The following PCM1 variants were observed in gnomAD, a reference collection of about 807,000 sequenced individuals.
PCM1 encodes the protein pericentriolar material 1 protein.
In PCM1, 157 loss-of-function variants were observed where a neutral mutation model predicts 241.9. That is an observed-to-expected ratio of 0.65 (90% CI 0.57 to 0.74). The LOEUF (loss-of-function observed/expected upper bound fraction) is 0.74, where lower values mean the gene tolerates loss of function less well. Ranked by LOEUF, PCM1 falls within the 30% of genes least tolerant of loss-of-function variation. PCM1 has a pLI of 0.00. For synonymous variants in PCM1, 1,085 were observed against 784.9 expected, an observed-to-expected ratio of 1.38 and a Z score of -6.39; for missense variants, 3,478 against 2,360.1, an observed-to-expected ratio of 1.47 and a Z score of -9.81.
intron 20 of PCM1, 134 bp from the exon 21 acceptor site, chr8:17,966,846 A>G: frequency 2.6e-6 from 2 of 756,494 alleles, no homozygotes; most frequent in Non-Finnish European, 4.2e-6. Flanking sequence ...TAGAGCAAGC[A>G]CGTATTTGTT....
At chr8:18,008,169 A>G (rs140483378) in intron 30 of PCM1, among the ~76,000 whole-genome samples, 2 of 152,122 alleles carry the variant, frequency 1.3e-5, no homozygotes, top group African/African-American at 4.8e-5. Context: ...CTTCATCTGT[A>G]TTTACAGTCC....
intron 9 of PCM1, among the ~76,000 whole-genome samples, chr8:17,954,107 T>A (rs769527681): frequency 6.6e-6 from 1 of 152,204 alleles, no homozygotes. Flanking sequence ...AATCCCAGTT[T>A]TTATCCTTTA....
rs554392634 is a variant in PCM1 at position 18,027,863 on chromosome 8, T to G, written c.*201T>G. ...CAGATTTAAGCCTTGACACACTGTGTTTTTTTTTTTTTCCCCCTTCTTTTT... is the reference window on the plus strand; with the variant it reads ...CAGATTTAAGCCTTGACACACTGTGGTTTTTTTTTTTTCCCCCTTCTTTTT... On this transcript the variant is annotated 3_prime_UTR_variant, in exon 39 of 39. Transcript: ENST00000325083. The G allele has an allele frequency of 9.5e-4, 209 of 219,456 alleles. No homozygotes were observed. Among genetic ancestry groups the G allele is most frequent in the African/African-American group, 4.9e-3 (191 of 38,938 alleles). The allele number at this position is 219,456 out of a possible 1,614,324, so 13.6% of individuals were successfully genotyped here.
At chr8:17,962,628 C>T (rs1010058687) in intron 16 of PCM1, among the ~76,000 whole-genome samples, 21 of 152,030 alleles carry the variant, frequency 1.4e-4, no homozygotes, top group African/African-American at 2.7e-4. Context: ...AGGCCATGTG[C>T]GGTGACTCAC....
intron 28 of PCM1, among the ~76,000 whole-genome samples, chr8:17,992,711 G>C (rs2085181976): frequency 6.6e-6 from 1 of 151,114 alleles, no homozygotes; most frequent in South Asian, 2.1e-4. Context: ...CTGCCTGCCA[G>C]GCTCAAGTGA....
chr8:17,947,188 C>G lies in PCM1; in HGVS notation c.786C>G (p.Ala262=). The G allele has an allele frequency of 6.3e-7, 1 of 1,583,342 alleles. No homozygotes were observed. The change falls in exon 7 of 39, where the codon GCC becomes GCG. Residue 262 remains alanine, a splice_region_variant and synonymous_variant. Transcript: ENST00000325083. ...GTATTGTTGGTCTTATTTTCCAGGC[C>G]AGAGATCCTCAGCAGGAGCCTATGG... is the stretch of plus-strand genomic sequence containing the variant. The part of the protein sequence containing the change: ...SYMKFLKKIL[A]RDPQQEPMEE...
In PCM1 at chr8:18,027,747, T is replaced by C; in HGVS notation, c.*85T>C. ...ATACTAAATAAACATCTGATCTGTA[T>C]AAAAATGTAAATTAGTTTGACACTG... On this transcript the variant is annotated 3_prime_UTR_variant, in exon 39 of 39. Coordinates refer to ENST00000325083, the MANE Select transcript of PCM1 (RefSeq NM_006197.4). 1 of 943,028 alleles carries C rather than the reference T, an allele frequency of 1.1e-6. No homozygotes were observed. The highest frequency in any genetic ancestry group is 1.6e-6 in the Non-Finnish European group (1 of 637,496). 58.4% of individuals were successfully genotyped at this position (943,028 alleles called of 1,614,324 possible).
intron 7 of PCM1, 27 bp downstream of exon 7, chr8:17,947,390 T>C (rs2064227956): frequency 6.7e-7 from 1 of 1,497,212 alleles, no homozygotes; most frequent in Non-Finnish European, 9.1e-7. Context: ...GAATATTCTT[T>C]TTGTAAGGAA....
intron 27 of PCM1, 94 bp downstream of exon 27, chr8:17,990,073 C>A: frequency 3.0e-6 from 3 of 1,003,356 alleles, no homozygotes; most frequent in Admixed American, 3.3e-5. Flanking sequence ...TCTAGAAAGG[C>A]GAAGTGTGTG....
chr8:17,945,924 A>C lies in PCM1; in HGVS notation c.784-1262A>C, dbSNP rs139413486. On this transcript the variant is annotated intron_variant, in intron 6 of 38. Transcript: ENST00000325083. ...AAGTGAAACAAAAGTGAAATATTTT[A>C]TGTAAATATTAGGTAAAATCGTTCA... 5.7e-3 allele frequency among the ~76,000 whole-genome samples: 872 copies of C among 152,334 alleles called. 10 individuals carry two copies. The highest frequency in any genetic ancestry group is 0.02 in the African/African-American group (814 of 41,580).
At position 18,027,747 on chromosome 8, in the gene PCM1, TA is replaced by T; in HGVS notation, c.*90del. 2.1e-6 allele frequency: 2 copies of T among 943,026 alleles called. No homozygotes were observed. Among genetic ancestry groups the T allele is most frequent in the East Asian group, 2.6e-5 (1 of 38,486 alleles). The allele number at this position is 943,026 out of a possible 1,614,324, so 58.4% of individuals were successfully genotyped here. On this transcript the variant is annotated 3_prime_UTR_variant, in exon 39 of 39. Coordinates refer to ENST00000325083, the MANE Select transcript of PCM1 (RefSeq NM_006197.4). ...ATACTAAATAAACATCTGATCTGTA[TA>T]AAAATGTAAATTAGTTTGACACTGC...
intron 9 of PCM1, 37 bp from the exon 10 acceptor site, chr8:17,955,433 G>T (rs376342971): frequency 1.9e-4 from 278 of 1,489,886 alleles, no homozygotes; most frequent in Non-Finnish European, 2.4e-4. Flanking sequence ...GGTAACTGGT[G>T]ATTAAAAAAA....
intron 16 of PCM1, 61 bp from the exon 17 acceptor site, chr8:17,963,040 A>T: frequency 8.0e-7 from 1 of 1,254,688 alleles, no homozygotes; most frequent in Non-Finnish European, 1.1e-6. Flanking sequence ...GTAGTCTTTT[A>T]CTCTTTTAGG....
chr8:17,941,510 A>G (rs1399218918), intron 6 of PCM1, among the ~76,000 whole-genome samples: 1 of 150,196 alleles, frequency 6.7e-6, no homozygotes, highest in African/African-American at 2.4e-5. Context: ...TTGGAGGGGG[A>G]TGTGGATTGA....
At chr8:18,013,173 G>C (rs2092730042) in intron 34 of PCM1, among the ~76,000 whole-genome samples, 1 of 152,158 alleles carries the variant, frequency 6.6e-6, no homozygotes, top group Admixed American at 6.5e-5. Flanking sequence ...TGGAGTGTAT[G>C]AGCTTGGCTG....
chr8:17,955,867 A>G (rs773826651), intron 10 of PCM1: 1 of 560,484 alleles, frequency 1.8e-6, no homozygotes, highest in African/African-American at 1.9e-5. Flanking sequence ...AACTGATGTT[A>G]CTTTCTTGTT....
At chr8:17,933,892 A>G (rs999401292) in intron 2 of PCM1, among the ~76,000 whole-genome samples, 1 of 152,136 alleles carries the variant, frequency 6.6e-6, no homozygotes, top group African/African-American at 2.4e-5. Flanking sequence ...TATTTTAAGC[A>G]TAATGTTGAC....
chr8:18,024,483 G>C (rs567817526), intron 36 of PCM1, among the ~76,000 whole-genome samples: 21 of 152,254 alleles, frequency 1.4e-4, no homozygotes, highest in African/African-American at 4.6e-4. Context: ...TCTTTTGTTT[G>C]CCTCACTACG....
rs2072522426 is a variant in PCM1, at chr8:17,962,052, G to C, written c.2341G>C (p.Gly781Arg). The change falls in exon 16 of 39, where the codon GGT (glycine) becomes CGT (arginine). Residue 781 changes from glycine (G) to arginine (R), a missense_variant. By Grantham distance (125) the Gly-to-Arg change is moderately radical. Transcript: ENST00000325083. ...PDLQLSAASV[G>R]NCPTKKYMPA... The stretch of plus-strand genomic sequence containing the variant: ...TTTTTAGCTGTCAGCTGCTAGTGTG[G>C]GTAACTGTCCCACCAAAAAATATAT... 6.2e-7 allele frequency: 1 copy of C among 1,610,414 alleles called. No individual in the cohort carries two copies. The highest frequency in any genetic ancestry group is 1.3e-5 in the African/African-American group (1 of 74,778).
Sources: allele counts gnomAD v4.1 joint callset (sites outside exome capture counted in the v4.1 genomes callset), GRCh38; gene constraint gnomAD v4.1.1; transcripts MANE v1.5; gene names NCBI Gene and HGNC (gene_info 2026-07-23, HGNC 2026-07-21).